The following CEP83 variants were observed in gnomAD, a reference collection of about 807,000 sequenced individuals.
CEP83 encodes centrosomal protein of 83 kDa.
Under a neutral mutation model 101.9 loss-of-function variants are expected in CEP83, and 70 were observed. That is an observed-to-expected ratio of 0.69 (90% CI 0.57 to 0.84). The LOEUF is 0.84. CEP83 is among the 40% of genes least tolerant of loss of function. The pLI is 0.00. For missense variants in CEP83, 715 were observed against 787.2 expected (o/e 0.91, Z 1.10); for synonymous variants, 264 against 267.9 (o/e 0.99, Z 0.14).
At chr12:94,323,138 G>T (rs1203480060) in intron 14 of CEP83, among the ~76,000 whole-genome samples, 1 of 152,188 alleles carries the variant, frequency 6.6e-6, no homozygotes, top group Non-Finnish European at 1.5e-5. Context: ...AAGGTGCCAT[G>T]GTAGTGGGGC....
the CEP83 span, among the ~76,000 whole-genome samples, chr12:94,267,603 TA>T: frequency 6.6e-6 from 1 of 152,216 alleles, no homozygotes; most frequent in Admixed American, 6.5e-5. Context: ...CACTTGTTTT[TA>T]GGGGCCTTGC....
chr12:94,375,434 AG>A lies in CEP83; in HGVS notation c.933+451del, dbSNP rs564949805. Among the ~76,000 whole-genome samples, 176 of 152,330 alleles carry A rather than the reference AG, an allele frequency of 1.2e-3. 2 individuals carry two copies. The highest frequency in any genetic ancestry group is 4.1e-3 in the African/African-American group (170 of 41,576). On this transcript the variant is annotated intron_variant, in intron 8 of 16. Transcript: ENST00000397809. Reference sequence around the variant, plus strand: ...GAAGGCCAAAGGGAGCAAAGTGAACAGGAGGAAAAATACAGGTCATGGCTGT... The same window carrying A: ...GAAGGCCAAAGGGAGCAAAGTGAACAGAGGAAAAATACAGGTCATGGCTGT...
chr12:94,432,117 C>G (rs1319052346), intron 2 of CEP83, among the ~76,000 whole-genome samples: 2 of 151,332 alleles, frequency 1.3e-5, no homozygotes, highest in African/African-American at 4.9e-5. Context: ...TGCAGTGGCG[C>G]GATCTCAGCT....
At chr12:94,312,539 A>G (rs75814732) in intron 15 of CEP83, 11 of 983,960 alleles carry the variant, frequency 1.1e-5, no homozygotes, top group East Asian at 2.3e-4. Context: ...CTACAGCTCA[A>G]TAAAATCTCC....
intron 6 of CEP83, among the ~76,000 whole-genome samples, chr12:94,390,258 C>T (rs182358421): frequency 3.3e-5 from 5 of 152,248 alleles, no homozygotes; most frequent in East Asian, 1.9e-4. Flanking sequence ...CCCTCTGGGA[C>T]GAAGCCTCCA....
At chr12:94,376,724 CACACACACATATAT>C (rs774188073) in intron 7 of CEP83, among the ~76,000 whole-genome samples, 5 of 121,630 alleles carry the variant, frequency 4.1e-5, no homozygotes, top group African/African-American at 1.2e-4. Flanking sequence ...CACACACACA[CACACACACATATAT>C]ATATATATAT....
intron 2 of CEP83, among the ~76,000 whole-genome samples, chr12:94,434,365 G>A (rs558422651): frequency 5.3e-5 from 8 of 152,244 alleles, no homozygotes; most frequent in Non-Finnish European, 8.8e-5. Context: ...TGTTTACATG[G>A]AAATTCTTTT....
At chr12:94,275,815 A>G in the CEP83 span, among the ~76,000 whole-genome samples, 18 of 78,042 alleles carry the variant, frequency 2.3e-4, 3 homozygotes, top group Non-Finnish European at 3.9e-4. Context: ...AGATCCCGCC[A>G]CTGCACTCCA....
At chr12:94,420,776 A>G (rs1179938168) in intron 2 of CEP83, among the ~76,000 whole-genome samples, 2 of 152,196 alleles carry the variant, frequency 1.3e-5, no homozygotes, top group African/African-American at 4.8e-5. Flanking sequence ...AAAAGAATAT[A>G]CACTAAATTA....
intron 6 of CEP83, among the ~76,000 whole-genome samples, chr12:94,385,096 T>C (rs572429477): frequency 6.6e-6 from 1 of 151,998 alleles, no homozygotes; most frequent in East Asian, 1.9e-4. Flanking sequence ...CACGAGGAGG[T>C]AGTAGTCCCG....
At chr12:94,376,106 T>C in intron 7 of CEP83, 89 bp from the exon 8 acceptor site, 1 of 808,222 alleles carries the variant, frequency 1.2e-6, no homozygotes, top group East Asian at 3.3e-5. Context: ...TTTATAATTA[T>C]ACTAAAATTA....
the CEP83 span, among the ~76,000 whole-genome samples, chr12:94,266,151 G>A: frequency 2.7e-4 from 41 of 152,316 alleles, no homozygotes; most frequent in African/African-American, 9.6e-4. Flanking sequence ...GGGGACTGCA[G>A]TGTCATCTGG....
At chr12:94,405,204 C>G (rs144530937) in intron 4 of CEP83, among the ~76,000 whole-genome samples, 1 of 152,192 alleles carries the variant, frequency 6.6e-6, no homozygotes, top group East Asian at 1.9e-4. Flanking sequence ...TTCAAATGAT[C>G]TAACTTCAAA....
At chr12:94,388,077 G>A (rs113091758) in intron 6 of CEP83, among the ~76,000 whole-genome samples, 1 of 152,178 alleles carries the variant, frequency 6.6e-6, no homozygotes, top group African/African-American at 2.4e-5. Flanking sequence ...CCATTACTGG[G>A]TATATACTGA....
intron 11 of CEP83, 71 bp downstream of exon 11, chr12:94,367,723 G>T: frequency 9.1e-7 from 1 of 1,100,766 alleles, no homozygotes; most frequent in Non-Finnish European, 1.3e-6. Flanking sequence ...CTTTGTACTA[G>T]TTGTACATCA....
intron 8 of CEP83, among the ~76,000 whole-genome samples, chr12:94,375,469 T>G (rs1278736891): frequency 2.0e-5 from 3 of 152,112 alleles, no homozygotes; most frequent in Non-Finnish European, 4.4e-5. Flanking sequence ...GTGAAAAGAC[T>G]GCAGGATCCA....
chr12:94,316,324 C>T (rs796578203), intron 14 of CEP83, among the ~76,000 whole-genome samples: 8 of 152,116 alleles, frequency 5.3e-5, no homozygotes, highest in African/African-American at 9.6e-5. Flanking sequence ...TACTTGACTT[C>T]GTACTTAGAA....
intron 6 of CEP83, among the ~76,000 whole-genome samples, chr12:94,389,556 C>T (rs367687393): frequency 3.3e-5 from 5 of 152,132 alleles, no homozygotes; most frequent in Non-Finnish European, 2.9e-5. Context: ...GTGTGATGGA[C>T]GCAGAAGATG....
intron 8 of CEP83, among the ~76,000 whole-genome samples, chr12:94,372,733 C>T (rs1043959982): frequency 1.3e-5 from 2 of 152,154 alleles, no homozygotes; most frequent in African/African-American, 4.8e-5. Flanking sequence ...TGAAAGAACA[C>T]CGAATAGGAA....
Sources: gnomAD v4.1 joint callset for allele counts (sites outside exome capture counted in the v4.1 genomes callset) on GRCh38, gnomAD v4.1.1 for gene constraint, MANE v1.5 for transcripts, NCBI Gene and HGNC (gene_info 2026-07-23, HGNC 2026-07-21) for gene names.